The following LINGO2 variants were observed in gnomAD, a reference collection of about 807,000 sequenced individuals.
LINGO2 encodes the protein leucine rich repeat and Ig domain containing 2, also known as leucine-rich repeat and immunoglobulin-like domain-containing nogo receptor-interacting protein 2.
In LINGO2, 14 loss-of-function variants were observed where a neutral mutation model predicts 30.6. That is an observed-to-expected ratio of 0.46 (90% CI 0.30 to 0.72). LINGO2 has a LOEUF of 0.72. Ranked by LOEUF, LINGO2 falls within the 30% of genes least tolerant of loss-of-function variation. The pLI, the probability that LINGO2 is intolerant of heterozygous loss-of-function variation, is 0.07. For missense variants in LINGO2, 729 were observed against 751.7 expected, an observed-to-expected ratio of 0.97 and a Z score of 0.35; for synonymous variants, 317 against 288.5, an observed-to-expected ratio of 1.10 and a Z score of -1.00.
chr9:28,636,777 T>G (rs1464755036), intron 1 of LINGO2, among the ~76,000 whole-genome samples: 1 of 152,192 alleles, frequency 6.6e-6, no homozygotes, highest in Non-Finnish European at 1.5e-5. Context: ...AGGTTGCCTG[T>G]TCACTCTGAT....
chr9:28,076,137 T>C (rs1825615688), intron 4 of LINGO2, among the ~76,000 whole-genome samples: 1 of 152,128 alleles, frequency 6.6e-6, no homozygotes, highest in East Asian at 1.9e-4. Flanking sequence ...TAAAATCTGG[T>C]ACCACAATTC....
At chr9:28,299,952 A>G (rs1824073499) in intron 3 of LINGO2, among the ~76,000 whole-genome samples, 1 of 152,146 alleles carries the variant, frequency 6.6e-6, no homozygotes, top group Non-Finnish European at 1.5e-5. Flanking sequence ...AAACAACTTT[A>G]TAGATTTCCA....
chr9:29,091,195 G>A, the LINGO2 span, among the ~76,000 whole-genome samples: 1 of 151,952 alleles, frequency 6.6e-6, no homozygotes, highest in Non-Finnish European at 1.5e-5. Flanking sequence ...AAGGATTATT[G>A]TAAGGGAAAA....
chr9:28,860,982 CTATAA>C, the LINGO2 span, among the ~76,000 whole-genome samples: 738 of 120,604 alleles, frequency 6.1e-3, 4 homozygotes, highest in African/African-American at 0.022. Context: ...ATATATAAAT[CTATAA>C]TATATTATAT....
At chr9:28,192,194 T>G (rs1259908065) in intron 4 of LINGO2, among the ~76,000 whole-genome samples, 4 of 152,092 alleles carry the variant, frequency 2.6e-5, no homozygotes, top group Non-Finnish European at 5.9e-5. Context: ...CTCTCAAATG[T>G]GTATGTGTGT....
Position 28,147,569 on chromosome 9 carries a change from G to C in LINGO2, c.-86-135164C>G, listed in dbSNP as rs1452581899. On this transcript the variant is annotated intron_variant, in intron 4 of 5. Transcript: ENST00000379992. This position sits in a 1 kb window ranked among gnomAD's most constrained non-coding sequence, Gnocchi z 4.7. ...GGCTGGTCCTGTGCTCTGCTTCCAG[G>C]TTCTGGCCCTGTAACCCGGGGGACA... Among the ~76,000 whole-genome samples the C allele has an allele frequency of 6.6e-6, 1 of 152,244 alleles. No individual in the cohort carries two copies. Among genetic ancestry groups the C allele is most frequent in the South Asian group, 2.1e-4 (1 of 4,824 alleles).
intron 5 of LINGO2, among the ~76,000 whole-genome samples, chr9:28,001,742 T>C (rs1265590505): frequency 6.6e-6 from 1 of 152,074 alleles, no homozygotes; most frequent in Admixed American, 6.6e-5. Context: ...TATTGTTAGT[T>C]TCAAGTCTGA....
In LINGO2 at chr9:28,643,347, G is replaced by C. The variant is rs58036410; in HGVS notation, c.-365+26853C>G. Among the ~76,000 whole-genome samples the C allele has an allele frequency of 8.2e-3, 1,242 of 152,016 alleles. 25 individuals are homozygous for C. Among genetic ancestry groups the C allele is most frequent in the African/African-American group, 0.029 (1,198 of 41,472 alleles). On this transcript the variant is annotated intron_variant, in intron 1 of 5. Coordinates refer to ENST00000379992, the Ensembl canonical transcript of LINGO2. Reference sequence around the variant, plus strand: ...CTACTGGCATAAAAACAGACACATAGACCAACGGAACAGAATAGAAGACCC... The same window carrying C: ...CTACTGGCATAAAAACAGACACATACACCAACGGAACAGAATAGAAGACCC...
At chr9:28,377,611 A>C (rs1821182221) in intron 2 of LINGO2, among the ~76,000 whole-genome samples, 1 of 152,114 alleles carries the variant, frequency 6.6e-6, no homozygotes, top group Admixed American at 6.6e-5. Flanking sequence ...ATACATGTAC[A>C]CACATGTCTA....
At chr9:29,196,583 C>G in the LINGO2 span, among the ~76,000 whole-genome samples, 1 of 151,974 alleles carries the variant, frequency 6.6e-6, no homozygotes, top group Admixed American at 6.6e-5. Flanking sequence ...CAACCTTTCA[C>G]CAGTGTTAAG....
intron 4 of LINGO2, among the ~76,000 whole-genome samples, chr9:28,268,531 T>C (rs930847157): frequency 2.0e-5 from 3 of 152,150 alleles, no homozygotes; most frequent in Admixed American, 1.3e-4. Flanking sequence ...TTACATTTTA[T>C]TCTTGACCCT....
chr9:27,985,272 G>T (rs908368519), intron 5 of LINGO2, among the ~76,000 whole-genome samples: 1 of 151,858 alleles, frequency 6.6e-6, no homozygotes, highest in Non-Finnish European at 1.5e-5. Flanking sequence ...CTGCTGTGAT[G>T]TGAAAGTGTA....
chr9:28,205,433 C>T (rs926054456), intron 4 of LINGO2, among the ~76,000 whole-genome samples: 1 of 152,158 alleles, frequency 6.6e-6, no homozygotes, highest in Non-Finnish European at 1.5e-5. Flanking sequence ...TACTCTTGGT[C>T]ATATCATCAA....
intron 4 of LINGO2, among the ~76,000 whole-genome samples, chr9:28,120,147 T>C (rs1275293678): frequency 6.6e-6 from 1 of 152,108 alleles, no homozygotes; most frequent in Non-Finnish European, 1.5e-5. Context: ...CTAATGGAAC[T>C]AAGGAGGAAA....
At chr9:28,213,402 A>G (rs759611722) in intron 4 of LINGO2, among the ~76,000 whole-genome samples, 2 of 151,510 alleles carry the variant, frequency 1.3e-5, no homozygotes, top group Non-Finnish European at 3.0e-5. Flanking sequence ...GAAAATGAAA[A>G]GCCAGAGTGA....
the LINGO2 span, among the ~76,000 whole-genome samples, chr9:29,181,547 T>C: frequency 1.3e-5 from 2 of 152,094 alleles, no homozygotes; most frequent in Non-Finnish European, 2.9e-5. Flanking sequence ...TCCATGATAA[T>C]ATGAGGACCA....
At chr9:29,172,678 T>G in the LINGO2 span, among the ~76,000 whole-genome samples, 1 of 151,944 alleles carries the variant, frequency 6.6e-6, no homozygotes, top group African/African-American at 2.4e-5. Flanking sequence ...AGAGAACATA[T>G]AGTTGACATC....
At chr9:28,992,767 G>T in the LINGO2 span, among the ~76,000 whole-genome samples, 1 of 152,100 alleles carries the variant, frequency 6.6e-6, no homozygotes, top group East Asian at 1.9e-4. Flanking sequence ...AGTGGCTACT[G>T]GGTACATAAC....
At chr9:29,115,854 A>G in the LINGO2 span, among the ~76,000 whole-genome samples, 1 of 152,046 alleles carries the variant, frequency 6.6e-6, no homozygotes, top group Admixed American at 6.6e-5. Context: ...AATCACAAAC[A>G]TAAATAAATA....
Sources: allele counts gnomAD v4.1 joint callset (sites outside exome capture counted in the v4.1 genomes callset), GRCh38; gene constraint gnomAD v4.1.1; non-coding constraint Gnocchi (gnomAD v3.1); transcripts MANE v1.5; gene names NCBI Gene and HGNC (gene_info 2026-07-23, HGNC 2026-07-21).